The following HPSE2 variants were observed in gnomAD, a reference collection of about 807,000 sequenced individuals.
The protein encoded by HPSE2 is heparanase 2 (inactive), also known as inactive heparanase-2.
In HPSE2, 38 loss-of-function variants were observed where a neutral mutation model predicts 60.5. The ratio of observed to expected loss-of-function variants is 0.63; its 90% CI spans 0.48 to 0.82. The LOEUF is 0.82. HPSE2 is among the 40% of genes least tolerant of loss of function. HPSE2 has a pLI of 0.00. For synonymous variants in HPSE2, 295 were observed against 293.2 expected (o/e 1.01, Z -0.06); for missense variants, 713 against 740.4 (o/e 0.96, Z 0.43).
intron 2 of HPSE2, among the ~76,000 whole-genome samples, chr10:99,183,494 G>C (rs1564876525): frequency 6.6e-6 from 1 of 152,150 alleles, no homozygotes; most frequent in Non-Finnish European, 1.5e-5. Flanking sequence ...AAGTATCAAA[G>C]AACAGAAACT....
At chr10:99,016,012 CT>C in intron 3 of HPSE2, among the ~76,000 whole-genome samples, 1 of 152,114 alleles carries the variant, frequency 6.6e-6, no homozygotes, top group South Asian at 2.1e-4. Context: ...TTAATAGTTT[CT>C]TTTGCTGTGC....
At chr10:99,182,558 T>C (rs1280050940) in intron 2 of HPSE2, among the ~76,000 whole-genome samples, 3 of 152,202 alleles carry the variant, frequency 2.0e-5, no homozygotes, top group Non-Finnish European at 4.4e-5. Context: ...GATTATTTTA[T>C]GATGGAATTA....
At chr10:99,072,927 C>CAAAAAAAAAAAAAAAAA (rs770699941) in intron 3 of HPSE2, among the ~76,000 whole-genome samples, 3 of 88,060 alleles carry the variant, frequency 3.4e-5, no homozygotes, top group African/African-American at 1.3e-4. Flanking sequence ...GGCTCCGTCT[C>CAAAAAAAAAAAAAAAAA]AAAAAAAAAA....
At chr10:98,897,914 T>C (rs1158966578) in intron 3 of HPSE2, among the ~76,000 whole-genome samples, 1 of 152,134 alleles carries the variant, frequency 6.6e-6, no homozygotes, top group Admixed American at 6.6e-5. Flanking sequence ...AGCCACAGAC[T>C]GGGCAAAAAA....
At chr10:99,173,943 C>CA (rs61074165) in intron 2 of HPSE2, among the ~76,000 whole-genome samples, 2,473 of 99,730 alleles carry the variant, frequency 0.025, 279 homozygotes, top group African/African-American at 0.096. Context: ...GACTCTGTCT[C>CA]AAAAAAAAAA....
intron 7 of HPSE2, among the ~76,000 whole-genome samples, chr10:98,621,796 A>G (rs1946081222): frequency 6.6e-6 from 1 of 152,172 alleles, no homozygotes; most frequent in Non-Finnish European, 1.5e-5. Context: ...AGTGTTCCTC[A>G]TCTCTGCCTC....
At chr10:99,123,559 G>A (rs1564825839) in intron 3 of HPSE2, among the ~76,000 whole-genome samples, 1 of 152,178 alleles carries the variant, frequency 6.6e-6, no homozygotes, top group Non-Finnish European at 1.5e-5. Context: ...GTGGGGGCGT[G>A]TTTCAGCACT....
At position 98,723,089 on chromosome 10, in the gene HPSE2, T is replaced by C. The variant is rs535790293; in HGVS notation, c.785-1261A>G. Among the ~76,000 whole-genome samples the C allele has an allele frequency of 7.5e-4, 114 of 152,322 alleles. 1 individual carries two copies. The highest frequency in any genetic ancestry group is 2.6e-3 in the African/African-American group (110 of 41,580). ...TAGTCTTTGCCCATTCAGTATGATA[T>C]TGGCTGTGGGTTTGTCATAGATAGC... On this transcript the variant is annotated intron_variant, in intron 4 of 11. Coordinates refer to ENST00000370552, the MANE Select transcript of HPSE2 (RefSeq NM_021828.5).
chr10:99,198,112 T>C (rs1210342982), intron 2 of HPSE2, among the ~76,000 whole-genome samples: 1 of 151,770 alleles, frequency 6.6e-6, no homozygotes, highest in African/African-American at 2.4e-5. Context: ...CAGTAATTTA[T>C]TACCAGCTAA....
At chr10:98,631,217 A>G (rs1321792623) in intron 7 of HPSE2, among the ~76,000 whole-genome samples, 3 of 152,176 alleles carry the variant, frequency 2.0e-5, no homozygotes, top group Non-Finnish European at 4.4e-5. Flanking sequence ...CATTCTCTGC[A>G]CTTGTTATCT....
intron 11 of HPSE2, among the ~76,000 whole-genome samples, chr10:98,474,191 T>C (rs1387608553): frequency 6.6e-6 from 1 of 152,150 alleles, no homozygotes; most frequent in Non-Finnish European, 1.5e-5. Context: ...CAGAAACAAG[T>C]CTTCATATTT....
intron 3 of HPSE2, among the ~76,000 whole-genome samples, chr10:98,800,395 AATAT>A (rs1487582985): frequency 5.4e-5 from 8 of 147,886 alleles, no homozygotes; most frequent in African/African-American, 2.0e-4. Flanking sequence ...TATATACATA[AATAT>A]ATATTTATAT....
At position 98,760,518 on chromosome 10, in the gene HPSE2, A is replaced by G. The variant is rs548276752; in HGVS notation, c.611-16462T>C. Among the ~76,000 whole-genome samples the G allele has an allele frequency of 3.9e-5, 6 of 152,194 alleles. No individual in the cohort carries two copies. In the South Asian group the frequency reaches 1.2e-3, roughly 32 times the overall value. On this transcript the variant is annotated intron_variant, in intron 3 of 11. Transcript: ENST00000370552. ...AGAGTTTTATCATAAAGAATGTTGA[A>G]TTTTATCCAATAATTTTTCTGCATC...
chr10:98,650,104 T>C (rs1283309766), intron 6 of HPSE2, among the ~76,000 whole-genome samples: 1 of 152,218 alleles, frequency 6.6e-6, no homozygotes, highest in Non-Finnish European at 1.5e-5. Flanking sequence ...GCAGAAATAA[T>C]GTGACACTTC....
intron 3 of HPSE2, among the ~76,000 whole-genome samples, chr10:99,034,668 C>G (rs1316850637): frequency 6.6e-6 from 1 of 151,962 alleles, no homozygotes; most frequent in African/African-American, 2.4e-5. Flanking sequence ...CATCACTTAA[C>G]AAAGGGATAT....
chr10:99,206,620 C>G (rs1478687536), intron 2 of HPSE2, among the ~76,000 whole-genome samples: 1 of 150,124 alleles, frequency 6.7e-6, no homozygotes, highest in Non-Finnish European at 1.5e-5. Flanking sequence ...GCACTCCTAA[C>G]CCCCATGTTG....
the HPSE2 span, among the ~76,000 whole-genome samples, chr10:99,282,827 A>G: frequency 6.6e-6 from 1 of 152,184 alleles, no homozygotes; most frequent in African/African-American, 2.4e-5. Context: ...AAAATATAAC[A>G]TACCAAAACT....
At chr10:98,527,043 A>T (rs573635453) in intron 9 of HPSE2, among the ~76,000 whole-genome samples, 2 of 152,286 alleles carry the variant, frequency 1.3e-5, no homozygotes, top group Admixed American at 6.5e-5. Context: ...GAATGTAAAC[A>T]GTTATCCCTT....
At chr10:98,540,869 T>C (rs1210512360) in intron 9 of HPSE2, among the ~76,000 whole-genome samples, 4 of 152,238 alleles carry the variant, frequency 2.6e-5, no homozygotes, top group African/African-American at 7.2e-5. Context: ...AAAGAGGAAA[T>C]ATGAGGATAA....
Sources: gnomAD v4.1 joint callset for allele counts (sites outside exome capture counted in the v4.1 genomes callset) on GRCh38, gnomAD v4.1.1 for gene constraint, MANE v1.5 for transcripts, NCBI Gene and HGNC (gene_info 2026-07-23, HGNC 2026-07-21) for gene names.